CACNG3: variants seen among roughly 807,000 people sequenced by gnomAD.
CACNG3 encodes the protein calcium voltage-gated channel auxiliary subunit gamma 3.
Under a neutral mutation model 28.5 loss-of-function variants are expected in CACNG3, and 3 were observed. The observed-to-expected ratio is 0.11, with a 90% CI of 0.05 to 0.27. The LOEUF is 0.27. Among genes scored for constraint, CACNG3 ranks in the 10% least tolerant of loss-of-function variants. The probability of loss-of-function intolerance (pLI) is 1.00; values close to 1 mark genes in which losing one functional copy is unlikely to be tolerated. For synonymous variants in CACNG3, 174 were observed against 162.2 expected, an observed-to-expected ratio of 1.07 and a Z score of -0.55; for missense variants, 236 against 414.4, an observed-to-expected ratio of 0.57 and a Z score of 3.74.
At chr16:24,341,321 G>T (rs1899784339) in intron 1 of CACNG3, among the ~76,000 whole-genome samples, 1 of 152,198 alleles carries the variant, frequency 6.6e-6, no homozygotes, top group South Asian at 2.1e-4. Context: ...TTTCAGTGTG[G>T]AGTCTTCCTT....
chr16:24,282,852 T>C (rs1274282303), intron 1 of CACNG3, among the ~76,000 whole-genome samples: 1 of 152,162 alleles, frequency 6.6e-6, no homozygotes, highest in Non-Finnish European at 1.5e-5. Flanking sequence ...TTTGAATTCA[T>C]GTGCTTCACA....
intron 1 of CACNG3, 146 bp downstream of exon 1, chr16:24,257,111 G>A (rs1898469615): frequency 3.2e-6 from 2 of 633,108 alleles, no homozygotes; most frequent in African/African-American, 1.8e-5. Flanking sequence ...TCTGTTAACA[G>A]CAAGACTGAC....
intron 1 of CACNG3, among the ~76,000 whole-genome samples, chr16:24,284,255 C>T (rs566334398): frequency 3.9e-5 from 6 of 152,192 alleles, no homozygotes; most frequent in South Asian, 4.1e-4. Context: ...ATCTGAGTTG[C>T]GGTAACTTGC....
At chr16:24,329,306 G>C (rs1001727920) in intron 1 of CACNG3, among the ~76,000 whole-genome samples, 4 of 152,174 alleles carry the variant, frequency 2.6e-5, no homozygotes, top group Non-Finnish European at 4.4e-5. Flanking sequence ...TCAGGGCCCG[G>C]GATGGATTTG....
chr16:24,348,209 G>A (rs1459790122), intron 2 of CACNG3, among the ~76,000 whole-genome samples: 1 of 151,928 alleles, frequency 6.6e-6, no homozygotes, highest in Non-Finnish European at 1.5e-5. Flanking sequence ...ACCAGTCTGG[G>A]CAACATATTA....
chr16:24,278,725 C>G lies in CACNG3; in HGVS notation c.211+21760C>G, dbSNP rs185886270. The stretch of plus-strand genomic sequence containing the variant: ...ATTACATCTGACCCTTTTTAACAAC[C>G]CTTCATATCTCCATTTCACAGATTA... On this transcript the variant is annotated intron_variant, in intron 1 of 3. Coordinates refer to ENST00000005284, the MANE Select transcript of CACNG3 (RefSeq NM_006539.4). Among the ~76,000 whole-genome samples, 721 of 152,198 alleles carry G rather than the reference C, an allele frequency of 4.7e-3. 15 individuals carry two copies. Among genetic ancestry groups the G allele is most frequent in the Admixed American group, 4.0e-3 (61 of 15,286 alleles).
intron 1 of CACNG3, among the ~76,000 whole-genome samples, chr16:24,308,209 G>A (rs917754452): frequency 2.0e-5 from 3 of 152,168 alleles, no homozygotes; most frequent in Admixed American, 2.0e-4. Context: ...GTCTATAAAC[G>A]GTGGAATGAC....
At position 24,361,414 on chromosome 16, in the gene CACNG3, C is replaced by T. The variant is rs1488719446; in HGVS notation, c.499C>T (p.Arg167Cys). 2 of 1,613,450 alleles carry T rather than the reference C, an allele frequency of 1.2e-6. No homozygotes were observed. Among genetic ancestry groups the T allele is most frequent in the Non-Finnish European group, 1.7e-6 (2 of 1,179,524 alleles). Reference protein sequence around the residue: ...ISANAGDPGQRDSKKSYSYGW... With the variant: ...ISANAGDPGQCDSKKSYSYGW... Reference sequence around the variant, plus strand: ...AGCCAACGCCGGAGACCCCGGGCAGCGTGACTCCAAAAAAAGTTACTCCTA... The same window carrying T: ...AGCCAACGCCGGAGACCCCGGGCAGTGTGACTCCAAAAAAAGTTACTCCTA... The change falls in exon 4 of 4, where the codon CGT (arginine) becomes TGT (cysteine). Residue 167 changes from arginine to cysteine, a missense_variant. Coordinates refer to ENST00000005284, the MANE Select transcript of CACNG3 (RefSeq NM_006539.4). The surrounding 1 kb of genome is among the most constrained non-coding windows in gnomAD (Gnocchi z 6.8).
intron 1 of CACNG3, among the ~76,000 whole-genome samples, chr16:24,334,801 C>T (rs1179487830): frequency 1.3e-5 from 2 of 152,192 alleles, no homozygotes; most frequent in Non-Finnish European, 2.9e-5. Flanking sequence ...TATTCCCTCC[C>T]GGGAGTGATG....
chr16:24,269,104 G>A (rs148917285), intron 1 of CACNG3, among the ~76,000 whole-genome samples: 23 of 152,248 alleles, frequency 1.5e-4, no homozygotes, highest in Middle Eastern at 6.8e-3. Flanking sequence ...TAAGATTTGG[G>A]CAGGCAAGAC....
intron 1 of CACNG3, among the ~76,000 whole-genome samples, chr16:24,317,692 G>GAA (rs1167600302): frequency 9.3e-6 from 1 of 107,234 alleles, no homozygotes; most frequent in African/African-American, 4.1e-5. Context: ...AAGAAAGAAA[G>GAA]AAAGAAAGAA....
chr16:24,299,703 T>C (rs1567213138), intron 1 of CACNG3, among the ~76,000 whole-genome samples: 1 of 152,242 alleles, frequency 6.6e-6, no homozygotes, highest in Non-Finnish European at 1.5e-5. Flanking sequence ...GTATCCAGTG[T>C]AAAGACATGT....
At chr16:24,333,622 G>A (rs1011032010) in intron 1 of CACNG3, 4 of 152,230 alleles carry the variant, frequency 2.6e-5, no homozygotes, top group African/African-American at 9.6e-5. Flanking sequence ...ATCACCCAAG[G>A]AGCTTTGAAA....
intron 1 of CACNG3, among the ~76,000 whole-genome samples, chr16:24,326,713 A>T (rs1190406540): frequency 6.6e-6 from 1 of 152,120 alleles, no homozygotes; most frequent in Non-Finnish European, 1.5e-5. Context: ...GAGTCACCCT[A>T]TGCTCACCTC....
chr16:24,321,305 G>T (rs1050127076), intron 1 of CACNG3, among the ~76,000 whole-genome samples: 3 of 152,204 alleles, frequency 2.0e-5, no homozygotes, highest in Middle Eastern at 3.4e-3. Context: ...AAATTAACAG[G>T]GTATGGTGGC....
chr16:24,317,317 G>A (rs537632651), intron 1 of CACNG3, among the ~76,000 whole-genome samples: 24 of 152,084 alleles, frequency 1.6e-4, no homozygotes, highest in African/African-American at 5.3e-4. Flanking sequence ...CAAAACGGGC[G>A]GATCACTTAA....
intron 1 of CACNG3, among the ~76,000 whole-genome samples, chr16:24,317,598 G>GAAAGAAAGAAAGAAAGAAAGGA (rs1899376650): frequency 4.9e-5 from 3 of 61,044 alleles, no homozygotes; most frequent in African/African-American, 1.5e-4. Context: ...AAGAAAGAAA[G>GAAAGAAAGAAAGAAAGAAAGGA]AAAGAAAGAA....
At chr16:24,267,404 C>T (rs1196214245) in intron 1 of CACNG3, among the ~76,000 whole-genome samples, 1 of 152,098 alleles carries the variant, frequency 6.6e-6, no homozygotes, top group Non-Finnish European at 1.5e-5. Context: ...CCTCCCACCA[C>T]AGTCCCATGA....
intron 1 of CACNG3, among the ~76,000 whole-genome samples, chr16:24,270,023 T>C (rs1322296903): frequency 6.6e-6 from 1 of 152,200 alleles, no homozygotes; most frequent in African/African-American, 2.4e-5. Flanking sequence ...ACTGTTTCTA[T>C]TCCTTTTGGC....
Sources: gnomAD v4.1 joint callset for allele counts (sites outside exome capture counted in the v4.1 genomes callset) on GRCh38, gnomAD v4.1.1 for gene constraint, Gnocchi (gnomAD v3.1) non-coding constraint, MANE v1.5 for transcripts, NCBI Gene and HGNC (gene_info 2026-07-23, HGNC 2026-07-21) for gene names.